CROT: variants seen among roughly 807,000 people sequenced by gnomAD.
CROT encodes the protein peroxisomal carnitine O-octanoyltransferase.
A neutral mutation model predicts 89.2 loss-of-function variants in CROT; 84 were observed. The observed-to-expected ratio is 0.94, with a 90% CI of 0.79 to 1.13. CROT has a LOEUF of 1.13. CROT is among the 50% of genes most tolerant of loss of function. The probability of loss-of-function intolerance (pLI) is 0.00; values close to 1 mark genes in which losing one functional copy is unlikely to be tolerated. For missense variants in CROT, 711 were observed against 727.8 expected (o/e 0.98, Z 0.27); for synonymous variants, 212 against 239.5 (o/e 0.89, Z 1.06).
intron 9 of CROT, among the ~76,000 whole-genome samples, chr7:87,376,556 AT>A (rs1806818253): frequency 6.6e-6 from 1 of 152,038 alleles, no homozygotes; most frequent in Non-Finnish European, 1.5e-5. Context: ...ATACTTAATT[AT>A]TTTATAGTGA....
In CROT at chr7:87,359,327, T is replaced by C. The variant is rs112310560; in HGVS notation, c.237T>C (p.Asn79=). The stretch of plus-strand genomic sequence containing the variant: ...TTGAAAGAGCAAAAGGAAAAAGAAA[T>C]TGGGTATTTGTTGTTATAATTGAAT... ...KLLERAKGKR[N]WLEEWWLNVA... Residue 79 remains asparagine (N), a synonymous_variant, in exon 4 of 18, where the codon AAT becomes AAC. Transcript: ENST00000331536. The C allele has an allele frequency of 5.6e-6, 9 of 1,595,446 alleles. No individual in the cohort carries two copies. The highest frequency in any genetic ancestry group is 4.0e-5 in the African/African-American group (3 of 74,466).
chr7:87,370,420 T>A (rs1440649956), intron 7 of CROT, among the ~76,000 whole-genome samples: 1 of 152,172 alleles, frequency 6.6e-6, no homozygotes, highest in East Asian at 1.9e-4. Context: ...TGGCCTTAAA[T>A]AATCCGCCTG....
At chr7:87,390,067 G>A (rs528912680) in intron 13 of CROT, among the ~76,000 whole-genome samples, 3 of 152,188 alleles carry the variant, frequency 2.0e-5, no homozygotes, top group Admixed American at 6.5e-5. Context: ...ATCCTGTAGA[G>A]TTTTCTGAAT....
chr7:87,369,994 C>T (rs1806580522), intron 7 of CROT, among the ~76,000 whole-genome samples: 1 of 151,994 alleles, frequency 6.6e-6, no homozygotes, highest in African/African-American at 2.4e-5. Flanking sequence ...CTAGCATCAA[C>T]AGTTATAAAC....
At chr7:87,379,278 T>G (rs1806914627) in intron 10 of CROT, among the ~76,000 whole-genome samples, 1 of 152,210 alleles carries the variant, frequency 6.6e-6, no homozygotes, top group Non-Finnish European at 1.5e-5. Context: ...TTCATCACAC[T>G]TTTCCCCCTC....
chr7:87,398,078 T>C (rs1807600167), intron 17 of CROT, among the ~76,000 whole-genome samples: 1 of 150,582 alleles, frequency 6.6e-6, no homozygotes, highest in Non-Finnish European at 1.5e-5. Context: ...AGAAATAGCC[T>C]TTCTCACCTA....
rs1480384053 is a variant in CROT at position 87,392,967 on chromosome 7, G to T, written c.1618G>T (p.Val540Phe). 3.1e-6 allele frequency: 5 copies of T among 1,613,518 alleles called. No homozygotes were observed. Among genetic ancestry groups the T allele is most frequent in the East Asian group, 2.2e-5 (1 of 44,872 alleles). The change falls in exon 17 of 18, where the codon GTT becomes TTT. Residue 540 changes from valine (V) to phenylalanine (F), a missense_variant. Coordinates refer to ENST00000331536, the MANE Select transcript of CROT (RefSeq NM_021151.4). ...ACACAGCGGAGGAGGTGGAAATTTT[G>T]TTCTCTCAACAAGTCTGGTTGGCTA... Reference protein sequence around the residue: ...FSKSGGGGNFVLSTSLVGYLR... With the variant: ...FSKSGGGGNFFLSTSLVGYLR...
chr7:87,348,578 T>C (rs802036), intron 2 of CROT, among the ~76,000 whole-genome samples: 19,087 of 152,238 alleles, frequency 0.13, 1,925 homozygotes, highest in African/African-American at 0.28. Flanking sequence ...CAGGTTCCCT[T>C]ACCTTCTATC....
Position 87,363,244 on chromosome 7 carries a change from A to G in CROT, c.547+1392A>G, listed in dbSNP as rs1459302604. Reference sequence around the variant, plus strand: ...GGTGATTGAAGCTGACATAGTTATTATATTTTGGGGCTTACATGTGAAGAC... The same window carrying G: ...GGTGATTGAAGCTGACATAGTTATTGTATTTTGGGGCTTACATGTGAAGAC... On this transcript the variant is annotated intron_variant, in intron 6 of 17. Coordinates refer to ENST00000331536, the MANE Select transcript of CROT (RefSeq NM_021151.4). 2.0e-5 allele frequency among the ~76,000 whole-genome samples: 3 copies of G among 152,216 alleles called. No homozygotes were observed. The East Asian group carries it at 5.8e-4, about 29-fold the overall frequency.
intron 13 of CROT, among the ~76,000 whole-genome samples, chr7:87,389,681 T>C (rs1807299589): frequency 1.3e-5 from 2 of 152,150 alleles, no homozygotes; most frequent in Non-Finnish European, 2.9e-5. Flanking sequence ...AGATGATGGG[T>C]TGATGGGTGC....
At chr7:87,388,383 A>G (rs1807248145) in intron 13 of CROT, among the ~76,000 whole-genome samples, 1 of 152,198 alleles carries the variant, frequency 6.6e-6, no homozygotes, top group Non-Finnish European at 1.5e-5. Context: ...CTGTACTACA[A>G]GGCTACAGTA....
intron 6 of CROT, among the ~76,000 whole-genome samples, chr7:87,367,949 G>T (rs1416935404): frequency 6.6e-6 from 1 of 152,108 alleles, no homozygotes; most frequent in African/African-American, 2.4e-5. Context: ...ACAGCTGGAG[G>T]GATCTTTTTA....
intron 3 of CROT, 111 bp from the exon 4 acceptor site, chr7:87,359,095 C>T (rs1201936446): frequency 6.6e-6 from 5 of 754,650 alleles, no homozygotes; most frequent in Non-Finnish European, 1.1e-5. Context: ...CTATTTAATA[C>T]AGTACTGTGT....
chr7:87,356,745 G>A (rs1806085463), intron 3 of CROT, among the ~76,000 whole-genome samples: 1 of 152,188 alleles, frequency 6.6e-6, no homozygotes, highest in Admixed American at 6.5e-5. Context: ...AGAACAGGCT[G>A]GGCACAGTGG....
intron 17 of CROT, among the ~76,000 whole-genome samples, chr7:87,397,743 T>C (rs1242381915): frequency 1.3e-5 from 2 of 152,260 alleles, no homozygotes; most frequent in Non-Finnish European, 2.9e-5. Flanking sequence ...GGCTAGAGCA[T>C]GTTCTTATTT....
In CROT at chr7:87,358,530, G is replaced by A. The variant is rs1002675725; in HGVS notation, c.116-676G>A. Among the ~76,000 whole-genome samples the A allele has an allele frequency of 4.7e-5, 7 of 148,970 alleles. No homozygotes were observed. In the South Asian group the frequency reaches 8.6e-4, roughly 18 times the overall value. On this transcript the variant is annotated intron_variant, in intron 3 of 17. Coordinates refer to ENST00000331536, the MANE Select transcript of CROT (RefSeq NM_021151.4). Reference sequence around the variant, plus strand: ...AGAAATTCAAGTACAACTTTATAACGTAAACAGTTGATTAACAGATAATTT... The same window carrying A: ...AGAAATTCAAGTACAACTTTATAACATAAACAGTTGATTAACAGATAATTT...
chr7:87,399,659 A>G lies in CROT; in HGVS notation c.*1015A>G, dbSNP rs887716377. On this transcript the variant is annotated 3_prime_UTR_variant, in exon 18 of 18. Coordinates refer to ENST00000331536, the MANE Select transcript of CROT (RefSeq NM_021151.4). ...TTAAATTTGTTACAGTGACTTTTAA[A>G]GGATTAATGTTGAATCACATTGTCA... 4 of 152,202 alleles carry G rather than the reference A, an allele frequency of 2.6e-5. No individual in the cohort carries two copies. The highest frequency in any genetic ancestry group is 9.7e-5 in the African/African-American group (4 of 41,442). 9.4% of individuals were successfully genotyped at this position (152,202 alleles called of 1,614,324 possible). A position where few individuals can be genotyped will look rare whatever the true frequency, so the allele number is the denominator to read the frequency against.
At chr7:87,358,552 A>T (rs115537281) in intron 3 of CROT, among the ~76,000 whole-genome samples, 1,883 of 152,112 alleles carry the variant, frequency 0.012, 43 homozygotes, top group African/African-American at 0.043. Flanking sequence ...TTAACAGATA[A>T]TTTTATGTTA....
At chr7:87,394,956 AT>A (rs1807480096) in intron 17 of CROT, among the ~76,000 whole-genome samples, 1 of 152,074 alleles carries the variant, frequency 6.6e-6, no homozygotes, top group Non-Finnish European at 1.5e-5. Context: ...GCCTGAACAG[AT>A]TTTTAATGCA....
Sources: allele counts gnomAD v4.1 joint callset (sites outside exome capture counted in the v4.1 genomes callset), GRCh38; gene constraint gnomAD v4.1.1; transcripts MANE v1.5; gene names NCBI Gene and HGNC (gene_info 2026-07-23, HGNC 2026-07-21).